Variants in MYOM3 observed in about 807,000 individuals in gnomAD.
MYOM3 encodes the protein myomesin-3.
In MYOM3, 155 loss-of-function variants were observed where a neutral mutation model predicts 191.7. That is an observed-to-expected ratio of 0.81 (90% CI 0.71 to 0.92). The LOEUF is 0.92. MYOM3 is among the 40% of genes least tolerant of loss of function. MYOM3 has a pLI of 0.00. For missense variants in MYOM3, 1,889 were observed against 1,890.6 expected (o/e 1.00, Z 0.02); for synonymous variants, 757 against 762.9 (o/e 0.99, Z 0.13).
intron 14 of MYOM3, 62 bp downstream of exon 14, chr1:24,089,476 A>T: frequency 6.6e-7 from 1 of 1,524,258 alleles, no homozygotes; most frequent in Non-Finnish European, 8.8e-7. Context: ...GACACTGCCC[A>T]GGGTCCCACA....
chr1:24,076,202 T>C lies in MYOM3; in HGVS notation c.2658A>G (p.Gln886=), dbSNP rs1324088192. Reference sequence around the variant, plus strand: ...GCACGGGATCAGTGGGCATGGACGGTTGCCCCAGACCAGCTGAATTCATGG... The same window carrying C: ...GCACGGGATCAGTGGGCATGGACGGCTGCCCCAGACCAGCTGAATTCATGG... The part of the protein sequence containing the change: ...VQAMNSAGLG[Q]PSMPTDPVLL... The change falls in exon 21 of 37, where the codon CAA becomes CAG. Residue 886 remains glutamine (Q), a synonymous_variant. Transcript: ENST00000374434. The C allele has an allele frequency of 1.2e-6, 2 of 1,614,190 alleles. No individual in the cohort carries two copies. The highest frequency in any genetic ancestry group is 2.2e-5 in the South Asian group (2 of 91,088).
At chr1:24,075,187 G>C in intron 22 of MYOM3, 132 bp downstream of exon 22, 2 of 860,232 alleles carry the variant, frequency 2.3e-6, no homozygotes, top group South Asian at 3.4e-5. Context: ...CGTCCTCAGT[G>C]AAAGACTGAG....
intron 2 of MYOM3, 32 bp downstream of exon 2, chr1:24,108,444 C>T: frequency 1.3e-6 from 2 of 1,511,782 alleles, no homozygotes; most frequent in Non-Finnish European, 1.8e-6. Flanking sequence ...GGGAACAGGG[C>T]AGTGGCTGGG....
chr1:24,072,958 C>T (rs1051009321), intron 23 of MYOM3, among the ~76,000 whole-genome samples: 14 of 152,152 alleles, frequency 9.2e-5, no homozygotes, highest in African/African-American at 1.4e-4. Context: ...GGGCAGAGAC[C>T]ATGCCTCATT....
chr1:24,106,092 A>G lies in MYOM3; in HGVS notation c.403-15T>C, dbSNP rs760757536. The G allele has an allele frequency of 3.1e-6, 5 of 1,602,508 alleles. No individual in the cohort carries two copies. The highest frequency in any genetic ancestry group is 3.4e-6 in the Non-Finnish European group (4 of 1,175,992). On this transcript the variant is annotated splice_polypyrimidine_tract_variant and intron_variant, in intron 4 of 36. Coordinates refer to ENST00000374434, the MANE Select transcript of MYOM3 (RefSeq NM_152372.4). ...TTCTCCTCTGTCTGGAGGCGGGAAG[A>G]GGTGTATGACGCTGTGAGCCAGGGA...
Position 24,074,152 on chromosome 1 carries a change from T to C in MYOM3, c.2968+8A>G. Reference sequence around the variant, plus strand: ...GGGAGGTGGCAGGGAGCGGGGTAGGTGCATTACCTTCCTCGGTTAGCGTGT... The same window carrying C: ...GGGAGGTGGCAGGGAGCGGGGTAGGCGCATTACCTTCCTCGGTTAGCGTGT... On this transcript the variant is annotated splice_region_variant and intron_variant, in intron 23 of 36. Transcript: ENST00000374434. 6.2e-7 allele frequency: 1 copy of C among 1,607,314 alleles called. No homozygotes were observed. Among genetic ancestry groups the C allele is most frequent in the Non-Finnish European group, 8.5e-7 (1 of 1,174,016 alleles).
At chr1:24,090,169 A>T in intron 12 of MYOM3, 51 bp from the exon 13 acceptor site, 2 of 1,465,504 alleles carry the variant, frequency 1.4e-6, no homozygotes, top group Non-Finnish European at 1.9e-6. Flanking sequence ...AGGAGGAGTT[A>T]GGCCAGGAGC....
In MYOM3 at chr1:24,099,739, A is replaced by C. The variant is rs1290222370; in HGVS notation, c.597T>G (p.Phe199Leu). ...TGGTGATTCGGTATTTTCCGGCACG[A>C]AAGAGGCGGGGATCAATCCGTGTGT... Reference protein sequence around the residue: ...KNDTRIDPRLFRAGKYRITNN... With the variant: ...KNDTRIDPRLLRAGKYRITNN... The change falls in exon 6 of 37, where the codon TTT (phenylalanine) becomes TTG (leucine). Residue 199 changes from phenylalanine to leucine, a missense_variant. Coordinates refer to ENST00000374434, the MANE Select transcript of MYOM3 (RefSeq NM_152372.4). 6.2e-7 allele frequency: 1 copy of C among 1,614,134 alleles called. No homozygotes were observed. Among genetic ancestry groups the C allele is most frequent in the Admixed American group, 1.7e-5 (1 of 60,020 alleles).
In MYOM3 at chr1:24,099,400, C is replaced by A. The variant is rs182335455; in HGVS notation, c.656+280G>T. Among the ~76,000 whole-genome samples, 158 of 151,856 alleles carry A rather than the reference C, an allele frequency of 1.0e-3. 1 individual carries two copies. Among genetic ancestry groups the A allele is most frequent in the African/African-American group, 3.7e-3 (153 of 41,384 alleles). ...AGTCCTCACGGCCAGCCTCTGAGTCCAAATTTCTCACCGTGTATCTCAAGG... is the reference window on the plus strand; with the variant it reads ...AGTCCTCACGGCCAGCCTCTGAGTCAAAATTTCTCACCGTGTATCTCAAGG... On this transcript the variant is annotated intron_variant, in intron 6 of 36. Transcript: ENST00000374434.
intron 12 of MYOM3, 47 bp downstream of exon 12, chr1:24,090,750 T>C (rs752633051): frequency 6.3e-7 from 1 of 1,590,662 alleles, no homozygotes; most frequent in South Asian, 1.1e-5. Context: ...GTCCTGAGGG[T>C]TCCCTGACTG....
Position 24,086,712 on chromosome 1 carries a change from G to T in MYOM3, c.1730C>A (p.Ala577Glu), listed in dbSNP as rs987587256. 6.2e-7 allele frequency: 1 copy of T among 1,614,148 alleles called. No individual in the cohort carries two copies. Among genetic ancestry groups the T allele is most frequent in the South Asian group, 1.1e-5 (1 of 91,082 alleles). Residue 577 changes from alanine to glutamate, a missense_variant, in exon 15 of 37, where the codon GCA (alanine) becomes GAA (glutamate). Ala to Glu is a moderately radical substitution (Grantham distance 107). Coordinates refer to ENST00000374434, the MANE Select transcript of MYOM3 (RefSeq NM_152372.4). ...KKKSYVFRVRAMNQYGLSDPS... is the reference protein window; with the variant it reads ...KKKSYVFRVREMNQYGLSDPS... ...ATCGCTCAGGCCATACTGGTTCATT[G>T]CTCGCACTCTGAAGACATACGACTT... is the stretch of plus-strand genomic sequence containing the variant.
Position 24,057,463 on chromosome 1 carries a change from G to A in MYOM3, c.4215C>T (p.Tyr1405=), listed in dbSNP as rs781360577. 73 of 1,614,102 alleles carry A rather than the reference G, an allele frequency of 4.5e-5. 1 individual carries two copies. Among genetic ancestry groups the A allele is most frequent in the South Asian group, 2.4e-4 (22 of 91,088 alleles). The change falls in exon 37 of 37, where the codon TAC becomes TAT. Residue 1405 remains tyrosine, a synonymous_variant. Coordinates refer to ENST00000374434, the MANE Select transcript of MYOM3 (RefSeq NM_152372.4). ...EKVNSEDSGR[Y]GVFVKNKYGS... The stretch of plus-strand genomic sequence containing the variant: ...CATACTTGTTCTTGACGAAGACGCC[G>A]TAGCGGCCGCTGTCTTCACTGTTGA...
intron 5 of MYOM3, among the ~76,000 whole-genome samples, chr1:24,100,818 C>T (rs922218688): frequency 1.3e-5 from 2 of 150,796 alleles, no homozygotes; most frequent in African/African-American, 2.4e-5. Context: ...ACCCAGGGGG[C>T]GGAGCTTGCA....
At chr1:24,057,695 G>GC in intron 36 of MYOM3, 68 bp from the exon 37 acceptor site, 1 of 1,461,964 alleles carries the variant, frequency 6.8e-7, no homozygotes, top group Non-Finnish European at 9.4e-7. Flanking sequence ...TTGCTTTCAT[G>GC]CCCCCAGAGA....
intron 26 of MYOM3, 72 bp downstream of exon 26, chr1:24,068,151 G>T: frequency 6.4e-7 from 1 of 1,560,580 alleles, no homozygotes; most frequent in South Asian, 1.1e-5. Context: ...AGGACTCAGG[G>T]CTGCAGGGCA....
Position 24,092,244 on chromosome 1 carries a change from A to G in MYOM3, c.1162T>C (p.Cys388Arg), listed in dbSNP as rs764966115. ...GGCGGGGCCCAAGTCAGGATGAGGC[A>G]GTCTCTGTTCACATCCAGGCATCGG... ...NVRCLDVNRD[C>R]LILTWAPPSD... Residue 388 changes from cysteine (C) to arginine (R), a missense_variant, in exon 11 of 37, where the codon TGC becomes CGC. Transcript: ENST00000374434. 7.0e-6 allele frequency: 10 copies of G among 1,429,312 alleles called. No homozygotes were observed. The highest frequency in any genetic ancestry group is 9.2e-6 in the Non-Finnish European group (10 of 1,082,440). The allele number at this position is 1,429,312 out of a possible 1,614,324, so 88.5% of individuals were successfully genotyped here.
intron 7 of MYOM3, among the ~76,000 whole-genome samples, chr1:24,097,635 T>C (rs1304202481): frequency 6.6e-6 from 1 of 151,906 alleles, no homozygotes; most frequent in Non-Finnish European, 1.5e-5. Context: ...TCAGGAGAGG[T>C]CAGTTCCCTT....
At chr1:24,108,163 A>G in intron 2 of MYOM3, 90 bp from the exon 3 acceptor site, 1 of 1,262,128 alleles carries the variant, frequency 7.9e-7, no homozygotes, top group Non-Finnish European at 1.1e-6. Flanking sequence ...CCTCAGCCTC[A>G]GGGCACCAGC....
intron 36 of MYOM3, among the ~76,000 whole-genome samples, chr1:24,057,876 G>A (rs916119003): frequency 1.3e-5 from 2 of 151,884 alleles, no homozygotes; most frequent in Admixed American, 1.3e-4. Context: ...GCATGATCTC[G>A]GCTCACTGCA....
Sources: allele counts gnomAD v4.1 joint callset (sites outside exome capture counted in the v4.1 genomes callset), GRCh38; gene constraint gnomAD v4.1.1; transcripts MANE v1.5; gene names NCBI Gene and HGNC (gene_info 2026-07-23, HGNC 2026-07-21).